The following CTNNA3 variants were observed in gnomAD, a reference collection of about 807,000 sequenced individuals.
CTNNA3 encodes catenin alpha 3.
A neutral mutation model predicts 95.7 loss-of-function variants in CTNNA3; 76 were observed. That is an observed-to-expected ratio of 0.79 (90% CI 0.66 to 0.96). CTNNA3 has a LOEUF of 0.96. Ranked by LOEUF, CTNNA3 falls within the 40% of genes least tolerant of loss-of-function variation. The probability of loss-of-function intolerance (pLI) is 0.00; values close to 1 mark genes in which losing one functional copy is unlikely to be tolerated. For synonymous variants in CTNNA3, 431 were observed against 374.4 expected (o/e 1.15, Z -1.74); for missense variants, 1,191 against 1,089.8 (o/e 1.09, Z -1.31).
intron 12 of CTNNA3, among the ~76,000 whole-genome samples, chr10:66,309,095 G>T (rs56895182): frequency 3.3e-5 from 5 of 152,052 alleles, no homozygotes; most frequent in African/African-American, 1.2e-4. Flanking sequence ...TATCACTCAC[G>T]TCTACTTAAG....
Position 67,750,815 on chromosome 10 carries a change from A to G in CTNNA3, c.-2+12619T>C, listed in dbSNP as rs559819086. On this transcript the variant is annotated intron_variant, in intron 1 of 17. Coordinates refer to the CTNNA3 transcript ENST00000684154. ...CTCTTGAACAAACCTGGACTGAAATATAAACCAGTGACTAACCAGGTTGAG... is the reference window on the plus strand; with the variant it reads ...CTCTTGAACAAACCTGGACTGAAATGTAAACCAGTGACTAACCAGGTTGAG... 3.5e-5 allele frequency: 56 copies of G among 1,610,328 alleles called. No homozygotes were observed. In the African/African-American group the frequency reaches 6.1e-4, roughly 18 times the overall value.
intron 9 of CTNNA3, among the ~76,000 whole-genome samples, chr10:66,636,420 T>A (rs1411592288): frequency 9.2e-5 from 14 of 152,058 alleles, no homozygotes; most frequent in South Asian, 8.3e-4. Flanking sequence ...GTAATTTTTT[T>A]AAATATATAT....
rs529861731 is a variant in CTNNA3, at chr10:67,558,981, C to G, written c.293-19312G>C. Among the ~76,000 whole-genome samples the G allele has an allele frequency of 3.3e-5, 5 of 152,248 alleles. No individual in the cohort carries two copies. In the South Asian group the frequency reaches 1.0e-3, roughly 32 times the overall value. ...GGCTTGCTTAGGTAAACAAAGCAGCCGGGAAGCTCGAACTGGGTGGAGCCC... is the reference window on the plus strand; with the variant it reads ...GGCTTGCTTAGGTAAACAAAGCAGCGGGGAAGCTCGAACTGGGTGGAGCCC... On this transcript the variant is annotated intron_variant, in intron 3 of 17. Transcript: ENST00000433211.
At chr10:67,187,527 T>G (rs1862909687) in intron 6 of CTNNA3, among the ~76,000 whole-genome samples, 1 of 151,690 alleles carries the variant, frequency 6.6e-6, no homozygotes, top group African/African-American at 2.4e-5. Context: ...CATCATTTTC[T>G]TTCTCTCTCT....
At chr10:66,973,039 T>C (rs1483295354) in intron 7 of CTNNA3, among the ~76,000 whole-genome samples, 3 of 152,224 alleles carry the variant, frequency 2.0e-5, no homozygotes, top group Admixed American at 6.5e-5. Flanking sequence ...TTACAAAATA[T>C]GCTATAATAG....
At chr10:67,294,347 T>C (rs548215923) in intron 5 of CTNNA3, among the ~76,000 whole-genome samples, 3 of 152,196 alleles carry the variant, frequency 2.0e-5, no homozygotes, top group Non-Finnish European at 4.4e-5. Flanking sequence ...TCAGGGTAAT[T>C]ACATACATAC....
At chr10:66,175,379 G>A (rs996103163) in intron 13 of CTNNA3, among the ~76,000 whole-genome samples, 11 of 152,130 alleles carry the variant, frequency 7.2e-5, no homozygotes, top group East Asian at 3.8e-4. Context: ...TGCAACTTCC[G>A]TTACTATAAA....
At chr10:66,496,474 G>A (rs1019844921) in intron 11 of CTNNA3, among the ~76,000 whole-genome samples, 7 of 152,032 alleles carry the variant, frequency 4.6e-5, no homozygotes, top group Non-Finnish European at 7.4e-5. Flanking sequence ...TGATCCATAC[G>A]AGAATTAAAT....
intron 7 of CTNNA3, among the ~76,000 whole-genome samples, chr10:67,142,468 C>A (rs1860614273): frequency 1.3e-5 from 2 of 152,118 alleles, no homozygotes; most frequent in African/African-American, 4.8e-5. Flanking sequence ...CTCAGAGATA[C>A]TGCAGGTTTC....
intron 7 of CTNNA3, among the ~76,000 whole-genome samples, chr10:67,126,213 G>A (rs953018786): frequency 6.6e-6 from 1 of 152,166 alleles, no homozygotes; most frequent in African/African-American, 2.4e-5. Context: ...AGACAAACAA[G>A]ACAGATAAAA....
intron 10 of CTNNA3, among the ~76,000 whole-genome samples, chr10:66,617,624 G>T (rs1009507971): frequency 2.6e-5 from 4 of 152,032 alleles, no homozygotes; most frequent in Non-Finnish European, 5.9e-5. Flanking sequence ...GGCAAAATCT[G>T]GAAGCATTCC....
At chr10:66,055,354 C>T (rs2080057593) in intron 15 of CTNNA3, among the ~76,000 whole-genome samples, 2 of 152,138 alleles carry the variant, frequency 1.3e-5, no homozygotes, top group Non-Finnish European at 2.9e-5. Context: ...CATCCATGAA[C>T]ATGAAATATA....
intron 7 of CTNNA3, among the ~76,000 whole-genome samples, chr10:67,100,460 G>C (rs1858276256): frequency 6.6e-6 from 1 of 151,720 alleles, no homozygotes; most frequent in Admixed American, 6.6e-5. Context: ...GAAAGACTGT[G>C]TCTGGAATCT....
rs2077015959 is a variant in CTNNA3, at chr10:65,917,062, T to C, written c.*3268A>G. On this transcript the variant is annotated 3_prime_UTR_variant, in exon 18 of 18. Coordinates refer to ENST00000433211, the MANE Select transcript of CTNNA3 (RefSeq NM_013266.4). ...GAATGCCAGACTGCAAGAATGGGTG[T>C]CTCTGTGTAGCTATGGAGGACCTTA... The C allele has an allele frequency of 6.6e-6, 1 of 152,304 alleles. No individual in the cohort carries two copies. The highest frequency in any genetic ancestry group is 6.5e-5 in the Admixed American group (1 of 15,284). The allele number at this position is 152,304 out of a possible 1,614,324, so 9.4% of individuals were successfully genotyped here.
chr10:66,201,957 T>A (rs1316007746), intron 13 of CTNNA3, among the ~76,000 whole-genome samples: 1 of 151,968 alleles, frequency 6.6e-6, no homozygotes, highest in African/African-American at 2.4e-5. Context: ...CCTGGCTAAC[T>A]TGTATTTTTA....
At chr10:67,353,983 T>C (rs370810761) in intron 5 of CTNNA3, among the ~76,000 whole-genome samples, 180 of 152,112 alleles carry the variant, frequency 1.2e-3, no homozygotes, top group African/African-American at 4.0e-3. Context: ...CAGTTAAATC[T>C]TTCAAACAGC....
At chr10:67,423,762 C>T (rs1162793157) in intron 5 of CTNNA3, among the ~76,000 whole-genome samples, 1 of 152,020 alleles carries the variant, frequency 6.6e-6, no homozygotes, top group Non-Finnish European at 1.5e-5. Context: ...TAGAACAGGG[C>T]CCCACCTATA....
intron 13 of CTNNA3, among the ~76,000 whole-genome samples, chr10:66,167,123 A>G (rs1257161478): frequency 6.6e-6 from 1 of 152,192 alleles, no homozygotes; most frequent in East Asian, 1.9e-4. Context: ...TGCCTCTCAG[A>G]AAGAAAAGGT....
At chr10:66,421,993 A>G (rs2093199908) in intron 11 of CTNNA3, among the ~76,000 whole-genome samples, 1 of 149,654 alleles carries the variant, frequency 6.7e-6, no homozygotes, top group African/African-American at 2.5e-5. Flanking sequence ...CTTTGTAGAA[A>G]TACCTTGGAC....
Sources: allele counts gnomAD v4.1 joint callset (sites outside exome capture counted in the v4.1 genomes callset), GRCh38; gene constraint gnomAD v4.1.1; transcripts MANE v1.5; gene names NCBI Gene and HGNC (gene_info 2026-07-23, HGNC 2026-07-21).